PCBP3: variants seen among roughly 807,000 people sequenced by gnomAD.
The protein encoded by PCBP3 is poly(rC) binding protein 3, also known as poly(rC)-binding protein 3.
In PCBP3, 25 loss-of-function variants were observed where a neutral mutation model predicts 52.7. The observed-to-expected ratio is 0.47, with a 90% CI of 0.35 to 0.66. The LOEUF (loss-of-function observed/expected upper bound fraction) is 0.66. Ranked by LOEUF, PCBP3 falls within the 30% of genes least tolerant of loss-of-function variation. The pLI is 0.01. For synonymous variants in PCBP3, 162 were observed against 183.0 expected (o/e 0.89, Z 0.93); for missense variants, 391 against 490.3 (o/e 0.80, Z 1.91).
At chr21:45,719,074 G>T (rs967336646) in intron 2 of PCBP3, among the ~76,000 whole-genome samples, 1 of 152,184 alleles carries the variant, frequency 6.6e-6, no homozygotes, top group African/African-American at 2.4e-5. Context: ...AGGTCAGTGT[G>T]TGAGAAATTT....
intron 2 of PCBP3, among the ~76,000 whole-genome samples, chr21:45,685,479 T>C (rs570082258): frequency 6.6e-6 from 1 of 152,306 alleles, no homozygotes; most frequent in African/African-American, 2.4e-5. Flanking sequence ...CCTCTGCCCA[T>C]GGTGGAGTAA....
chr21:45,651,623 T>C (rs1346037090), intron 1 of PCBP3, among the ~76,000 whole-genome samples: 1 of 152,228 alleles, frequency 6.6e-6, no homozygotes, highest in Non-Finnish European at 1.5e-5. Flanking sequence ...TCCCAGTTTA[T>C]TGAACCATTT....
At chr21:45,740,246 CTT>C (rs1164195318) in intron 3 of PCBP3, among the ~76,000 whole-genome samples, 2 of 152,252 alleles carry the variant, frequency 1.3e-5, no homozygotes, top group African/African-American at 2.4e-5. Context: ...AGCCCACCCT[CTT>C]GTTTCCTCAG....
chr21:45,669,799 G>GTATA (rs1176723437), intron 2 of PCBP3, among the ~76,000 whole-genome samples: 7 of 88,184 alleles, frequency 7.9e-5, no homozygotes, highest in Non-Finnish European at 1.3e-4. Flanking sequence ...GTGTGTGTGT[G>GTATA]TGTGTGTATA....
intron 2 of PCBP3, among the ~76,000 whole-genome samples, chr21:45,681,051 A>G (rs796283082): frequency 5.9e-5 from 9 of 152,286 alleles, no homozygotes; most frequent in African/African-American, 1.9e-4. Flanking sequence ...ACATGGCGGA[A>G]GGCAGAGGGC....
chr21:45,868,185 G>C lies in PCBP3; in HGVS notation c.10+18090G>C, dbSNP rs138012852. On this transcript the variant is annotated intron_variant, in intron 5 of 17. Transcript: ENST00000681687. ...TCAAGTCACAGAACACCTGGAATGT[G>C]GTGTTTACGCAGAACAAAGCGGGTG... Among the ~76,000 whole-genome samples, 600 of 152,350 alleles carry C rather than the reference G, an allele frequency of 3.9e-3. 6 individuals are homozygous for C. Among genetic ancestry groups the C allele is most frequent in the African/African-American group, 0.014 (562 of 41,588 alleles).
At chr21:45,750,950 A>G (rs1182382488) in intron 3 of PCBP3, 1 of 152,032 alleles carries the variant, frequency 6.6e-6, no homozygotes, top group Non-Finnish European at 1.5e-5. Context: ...AAAACAGACA[A>G]GTCCCACAAT....
rs1018430360 is a variant in PCBP3 at position 45,643,755 on chromosome 21, G to T, written c.-392G>T. 1.3e-5 allele frequency: 2 copies of T among 148,412 alleles called. No individual in the cohort carries two copies. Among genetic ancestry groups the T allele is most frequent in the African/African-American group, 4.9e-5 (2 of 40,966 alleles). 9.2% of individuals were successfully genotyped at this position (148,412 alleles called of 1,614,324 possible). A position where few individuals can be genotyped will look rare whatever the true frequency, so the allele number is the denominator to read the frequency against. On this transcript the variant is annotated 5_prime_UTR_variant, in exon 1 of 18. Transcript: ENST00000681687. ...AGCCGCCTCAGCCGCGGTCGCCGCCGCTTCGGCTGACTTAGGCTCCGCCGC... is the reference window on the plus strand; with the variant it reads ...AGCCGCCTCAGCCGCGGTCGCCGCCTCTTCGGCTGACTTAGGCTCCGCCGC...
intron 15 of PCBP3, among the ~76,000 whole-genome samples, chr21:45,933,706 T>C (rs1055829986): frequency 1.3e-5 from 2 of 152,202 alleles, no homozygotes; most frequent in Admixed American, 6.5e-5. Context: ...GATGAATTGG[T>C]TCATTCAGCA....
intron 1 of PCBP3, among the ~76,000 whole-genome samples, chr21:45,647,549 G>C (rs1323459450): frequency 6.6e-6 from 1 of 152,188 alleles, no homozygotes; most frequent in Non-Finnish European, 1.5e-5. Flanking sequence ...CTGGACCCTA[G>C]GGCATGAGTT....
chr21:45,864,910 G>C (rs1383563912), intron 5 of PCBP3, among the ~76,000 whole-genome samples: 1 of 152,164 alleles, frequency 6.6e-6, no homozygotes, highest in Non-Finnish European at 1.5e-5. Context: ...ATAACAAAAA[G>C]AAGCTTTTCT....
intron 4 of PCBP3, among the ~76,000 whole-genome samples, chr21:45,789,421 CAT>C (rs982926140): frequency 8.7e-5 from 13 of 150,172 alleles, no homozygotes; most frequent in Admixed American, 8.7e-4. Context: ...CGTGTCTTTT[CAT>C]GTGTGTATGT....
chr21:45,774,474 A>G (rs188214927), intron 4 of PCBP3, among the ~76,000 whole-genome samples: 265 of 152,094 alleles, frequency 1.7e-3, no homozygotes, highest in African/African-American at 6.1e-3. Flanking sequence ...AAGAAGGACA[A>G]TTTGACTTCC....
chr21:45,654,934 A>T (rs2079919083), intron 1 of PCBP3, among the ~76,000 whole-genome samples: 2 of 152,194 alleles, frequency 1.3e-5, no homozygotes. Context: ...GAATTTGCCC[A>T]TTATGGAAAT....
At chr21:45,772,524 T>C (rs1265828976) in intron 4 of PCBP3, among the ~76,000 whole-genome samples, 1 of 152,216 alleles carries the variant, frequency 6.6e-6, no homozygotes, top group Non-Finnish European at 1.5e-5. Flanking sequence ...GCAATAAACA[T>C]AGGAGTGCAG....
Position 45,769,118 on chromosome 21 carries a change from A to G in PCBP3, c.-126+13666A>G, listed in dbSNP as rs148640663. ...TTAGCTCAGCCTCAGCCCCTCTTTC[A>G]TTTGTTTCTCCACTGAATCCTTGTC... On this transcript the variant is annotated intron_variant, in intron 4 of 17. Coordinates refer to ENST00000681687, the MANE Select transcript of PCBP3 (RefSeq NM_001384156.1). Among the ~76,000 whole-genome samples the G allele has an allele frequency of 2.0e-4, 31 of 152,030 alleles. No individual in the cohort carries two copies. In the East Asian group the frequency reaches 5.6e-3, roughly 28 times the overall value.
At chr21:45,815,953 G>A (rs2092928551) in intron 4 of PCBP3, among the ~76,000 whole-genome samples, 1 of 121,574 alleles carries the variant, frequency 8.2e-6, no homozygotes, top group African/African-American at 3.3e-5. Flanking sequence ...AGTGATGAGT[G>A]AGTGGTGAGT....
At chr21:45,854,213 CT>C (rs888847063) in intron 5 of PCBP3, among the ~76,000 whole-genome samples, 73 of 152,088 alleles carry the variant, frequency 4.8e-4, no homozygotes, top group African/African-American at 1.7e-3. Flanking sequence ...TCCTCCTGCC[CT>C]GCATGTGTGT....
intron 2 of PCBP3, among the ~76,000 whole-genome samples, chr21:45,694,970 T>C (rs547880013): frequency 3.9e-5 from 6 of 152,292 alleles, no homozygotes; most frequent in African/African-American, 1.4e-4. Context: ...TTCTAAAACA[T>C]ATAAAGATGT....
Sources: gnomAD v4.1 joint callset for allele counts (sites outside exome capture counted in the v4.1 genomes callset) on GRCh38, gnomAD v4.1.1 for gene constraint, MANE v1.5 for transcripts, NCBI Gene and HGNC (gene_info 2026-07-23, HGNC 2026-07-21) for gene names.